Variants in KANSL1 observed in about 807,000 individuals in gnomAD.
KANSL1 encodes the protein KAT8 regulatory NSL complex subunit 1, also known as MLL1/MLL complex subunit KANSL1.
In KANSL1, 22 loss-of-function variants were observed where a neutral mutation model predicts 103.6. The observed-to-expected ratio is 0.21, with a 90% CI of 0.15 to 0.30. The LOEUF is 0.30. Ranked by LOEUF, KANSL1 falls within the 10% of genes least tolerant of loss-of-function variation. The probability of loss-of-function intolerance (pLI) is 1.00; values close to 1 mark genes in which losing one functional copy is unlikely to be tolerated. For missense variants in KANSL1, 1,337 were observed against 1,399.8 expected, an observed-to-expected ratio of 0.96 and a Z score of 0.72; for synonymous variants, 600 against 527.6, an observed-to-expected ratio of 1.14 and a Z score of -1.88.
At chr17:46,151,784 T>G (rs2045120589) in intron 2 of KANSL1, among the ~76,000 whole-genome samples, 2 of 152,264 alleles carry the variant, frequency 1.3e-5, no homozygotes, top group African/African-American at 4.8e-5. Context: ...TTGAGGCTAC[T>G]CCTAGAACAG....
intron 2 of KANSL1, among the ~76,000 whole-genome samples, chr17:46,116,856 C>T (rs1045823422): frequency 6.6e-6 from 1 of 152,092 alleles, no homozygotes; most frequent in Non-Finnish European, 1.5e-5. Context: ...AAATGTACAA[C>T]AAAAATCTAT....
At chr17:46,106,458 T>C (rs1352579359) in intron 2 of KANSL1, among the ~76,000 whole-genome samples, 1 of 152,220 alleles carries the variant, frequency 6.6e-6, no homozygotes, top group Non-Finnish European at 1.5e-5. Context: ...AGTGGTGCGA[T>C]CTCGGCTCAC....
chr17:46,151,389 C>A (rs1323439616), intron 2 of KANSL1, among the ~76,000 whole-genome samples: 1 of 152,244 alleles, frequency 6.6e-6, no homozygotes, highest in Non-Finnish European at 1.5e-5. Flanking sequence ...TGCTCACACA[C>A]TTCATACAGA....
At chr17:46,186,583 G>A (rs960404074) in intron 1 of KANSL1, among the ~76,000 whole-genome samples, 1 of 152,198 alleles carries the variant, frequency 6.6e-6, no homozygotes, top group Non-Finnish European at 1.5e-5. Flanking sequence ...GAGGCAAGGG[G>A]TAAGGAGTAA....
At chr17:46,216,463 G>A (rs2048341542) in intron 1 of KANSL1, among the ~76,000 whole-genome samples, 1 of 151,992 alleles carries the variant, frequency 6.6e-6, no homozygotes, top group African/African-American at 2.4e-5. Context: ...GCCAGATGTG[G>A]TGGCGGGCAC....
intron 2 of KANSL1, among the ~76,000 whole-genome samples, chr17:46,146,417 G>C (rs1306238106): frequency 1.3e-5 from 2 of 152,136 alleles, no homozygotes; most frequent in Admixed American, 6.5e-5. Context: ...TCTTATGATA[G>C]TCCAGGGCTC....
intron 2 of KANSL1, among the ~76,000 whole-genome samples, chr17:46,135,352 G>A (rs2044076138): frequency 6.9e-6 from 1 of 145,662 alleles, no homozygotes; most frequent in South Asian, 2.1e-4. Context: ...TGGTCTCTCT[G>A]AATATTTCAC....
At chr17:46,069,799 A>C (rs2078511165) in intron 4 of KANSL1, among the ~76,000 whole-genome samples, 1 of 152,152 alleles carries the variant, frequency 6.6e-6, no homozygotes. Context: ...TTGGGAAGAT[A>C]ATCTAAAAGT....
rs1301400639 is a variant in KANSL1 at position 46,171,519 on chromosome 17, T to G, written c.625A>C (p.Thr209Pro). The stretch of plus-strand genomic sequence containing the variant: ...ACATCAAGGCTTCTATGTGGAAGAG[T>G]GCAATTGGTCATACCCCCCTTCAAG... Reference protein sequence around the residue: ...GDLKGGMTNCTLPHRSLDVEH... With the variant: ...GDLKGGMTNCPLPHRSLDVEH... The change falls in exon 2 of 15, where the codon ACT becomes CCT. Residue 209 changes from threonine (T) to proline (P), a missense_variant. Transcript: ENST00000432791. The G allele has an allele frequency of 6.2e-7, 1 of 1,613,848 alleles. No homozygotes were observed.
chr17:46,188,793 G>A (rs374735750), intron 1 of KANSL1, among the ~76,000 whole-genome samples: 3 of 152,100 alleles, frequency 2.0e-5, no homozygotes, highest in East Asian at 3.9e-4. Flanking sequence ...CACTTTGGGA[G>A]GCTGAGGTGG....
intron 1 of KANSL1, among the ~76,000 whole-genome samples, chr17:46,188,111 G>C (rs2696709): frequency 0.12 from 18,493 of 150,204 alleles, 22 homozygotes; most frequent in Middle Eastern, 0.19. Flanking sequence ...GTTACCCCCT[G>C]CCATACTAGT....
chr17:46,166,437 G>A (rs1018493064), intron 2 of KANSL1, among the ~76,000 whole-genome samples: 1 of 151,942 alleles, frequency 6.6e-6, no homozygotes, highest in Non-Finnish European at 1.5e-5. Flanking sequence ...ACTTGAACCC[G>A]GGAGCCAGAG....
chr17:46,157,291 T>C (rs890493614), intron 2 of KANSL1, among the ~76,000 whole-genome samples: 1 of 152,238 alleles, frequency 6.6e-6, no homozygotes. Context: ...AAGGCCAGCC[T>C]GCTAGGAAAC....
chr17:46,069,528 T>A (rs1440487898), intron 4 of KANSL1, among the ~76,000 whole-genome samples: 3 of 152,170 alleles, frequency 2.0e-5, no homozygotes, highest in East Asian at 3.9e-4. Flanking sequence ...GCAGATCACC[T>A]GAGGTCAGGA....
chr17:46,217,163 T>C (rs1225911365), intron 1 of KANSL1, among the ~76,000 whole-genome samples: 1 of 148,404 alleles, frequency 6.7e-6, no homozygotes, highest in African/African-American at 2.5e-5. Flanking sequence ...ATTCAGTACC[T>C]CAGAATGTGA....
intron 1 of KANSL1, among the ~76,000 whole-genome samples, chr17:46,213,361 C>T (rs941743441): frequency 3.3e-5 from 5 of 152,024 alleles, no homozygotes; most frequent in Non-Finnish European, 5.9e-5. Context: ...AGAGTAGTGG[C>T]GTGATCTCAG....
intron 6 of KANSL1, among the ~76,000 whole-genome samples, chr17:46,058,699 G>T (rs1434967448): frequency 6.8e-6 from 1 of 147,430 alleles, no homozygotes; most frequent in Admixed American, 6.8e-5. Context: ...AATTGGAAAA[G>T]CCAGATTTAA....
intron 2 of KANSL1, among the ~76,000 whole-genome samples, chr17:46,101,102 C>A (rs1292189350): frequency 6.6e-6 from 1 of 152,114 alleles, no homozygotes; most frequent in Non-Finnish European, 1.5e-5. Context: ...CTTTTAAAAA[C>A]CAAAAGATTC....
chr17:46,086,908 A>AG (rs1258209936), intron 3 of KANSL1, among the ~76,000 whole-genome samples: 2 of 152,188 alleles, frequency 1.3e-5, no homozygotes, highest in Non-Finnish European at 2.9e-5. Flanking sequence ...GGGGTACTAC[A>AG]GGCGCATACC....
Sources: gnomAD v4.1 joint callset for allele counts (sites outside exome capture counted in the v4.1 genomes callset) on GRCh38, gnomAD v4.1.1 for gene constraint, MANE v1.5 for transcripts, NCBI Gene and HGNC (gene_info 2026-07-23, HGNC 2026-07-21) for gene names.